Variants in AGPAT4 observed in about 807,000 individuals in gnomAD.
The protein encoded by AGPAT4 is 1-acyl-sn-glycerol-3-phosphate acyltransferase delta.
Under a neutral mutation model 48.0 loss-of-function variants are expected in AGPAT4, and 15 were observed. The ratio of observed to expected loss-of-function variants is 0.31; its 90% confidence interval spans 0.21 to 0.48. AGPAT4 has a LOEUF of 0.48. Among genes scored for constraint, AGPAT4 ranks in the 20% least tolerant of loss-of-function variants. The probability of loss-of-function intolerance (pLI) is 0.99; values close to 1 mark genes in which losing one functional copy is unlikely to be tolerated. For synonymous variants in AGPAT4, 178 were observed against 198.7 expected, an observed-to-expected ratio of 0.90 and a Z score of 0.88; for missense variants, 314 against 482.5, an observed-to-expected ratio of 0.65 and a Z score of 3.27.
chr6:161,153,553 G>A, intron 4 of AGPAT4, 54 bp from the exon 5 acceptor site: 1 of 1,594,224 alleles, frequency 6.3e-7, no homozygotes, highest in South Asian at 1.1e-5. Flanking sequence ...ACACAGCCCT[G>A]GGGTCATGCA....
chr6:161,237,383 T>C lies in AGPAT4; in HGVS notation c.-89-5081A>G, dbSNP rs10455878. On this transcript the variant is annotated intron_variant, in intron 1 of 8. Transcript: ENST00000320285. ...ATTTGAGAAAGTAGGTAACCATCAT[T>C]AACATTAGCAAGGTTTCTTACTGAA... Among the ~76,000 whole-genome samples, 786 of 152,334 alleles carry C rather than the reference T, an allele frequency of 5.2e-3. 4 individuals carry two copies. Among genetic ancestry groups the C allele is most frequent in the Non-Finnish European group, 9.1e-3 (621 of 68,038 alleles).
intron 2 of AGPAT4, among the ~76,000 whole-genome samples, chr6:161,187,798 C>A (rs1292823045): frequency 6.6e-6 from 1 of 152,186 alleles, no homozygotes; most frequent in Non-Finnish European, 1.5e-5. Context: ...CCCAACTCAG[C>A]CTCCCAAAGT....
rs565768118 is a variant in AGPAT4 at position 161,243,278 on chromosome 6, G to A, written c.-89-10976C>T. ...CTTGGGGTTACCAAAGTAGGGAAAT[G>A]GCCCAAGACCCGGCCCTGGGCCGGC... On this transcript the variant is annotated intron_variant, in intron 1 of 8. Transcript: ENST00000320285. The surrounding 1 kb of genome is among the most constrained non-coding windows in gnomAD (Gnocchi z 4.8). 7.1e-4 allele frequency among the ~76,000 whole-genome samples: 108 copies of A among 152,198 alleles called. 2 individuals carry two copies. Among genetic ancestry groups the A allele is most frequent in the Non-Finnish European group, 7.1e-4 (48 of 68,000 alleles).
chr6:161,131,087 C>T lies in AGPAT4; in HGVS notation c.*5453G>A. The T allele has an allele frequency of 3.4e-6, 1 of 294,698 alleles. No homozygotes were observed. Among genetic ancestry groups the T allele is most frequent in the South Asian group, 3.1e-5 (1 of 32,468 alleles). The allele number at this position is 294,698 out of a possible 1,614,324, so 18.3% of individuals were successfully genotyped here. ...CACCTCCCTTAAAATTCAGCAGAAC[C>T]AGAGGTGCCAGAAATGTCAAAAAAT... is the stretch of plus-strand genomic sequence containing the variant. On this transcript the variant is annotated 3_prime_UTR_variant, in exon 9 of 9. Coordinates refer to ENST00000320285, the MANE Select transcript of AGPAT4 (RefSeq NM_020133.3).
chr6:161,189,495 C>T lies in AGPAT4; in HGVS notation c.179-23078G>A, dbSNP rs1427560611. ...AGTGAGGCTCGTCACATGCGGAATT[C>T]ACTTACTTACAACCTTAGTTGCCCG... is the stretch of plus-strand genomic sequence containing the variant. On this transcript the variant is annotated intron_variant, in intron 2 of 8. Transcript: ENST00000320285. The surrounding 1 kb of genome is among the most constrained non-coding windows in gnomAD (Gnocchi z 5.3). Among the ~76,000 whole-genome samples, 1 of 152,200 alleles carries T rather than the reference C, an allele frequency of 6.6e-6. No individual in the cohort carries two copies. The highest frequency in any genetic ancestry group is 1.5e-5 in the Non-Finnish European group (1 of 68,034).
In AGPAT4 at chr6:161,169,250, C is replaced by A. The variant is rs1055126116; in HGVS notation, c.179-2833G>T. On this transcript the variant is annotated intron_variant, in intron 2 of 8. Transcript: ENST00000320285. This position sits in a 1 kb window ranked among gnomAD's most constrained non-coding sequence, Gnocchi z 5.0. ...TTTTAAATAGACACACACCAACATC[C>A]AATTTGCATCTGAAAAAAAAATCAC... Among the ~76,000 whole-genome samples the A allele has an allele frequency of 1.4e-4, 22 of 151,876 alleles. No individual in the cohort carries two copies. Among genetic ancestry groups the A allele is most frequent in the African/African-American group, 5.3e-4 (22 of 41,224 alleles).
rs1473378711 is a variant in AGPAT4, at chr6:161,227,000, T to C, written c.178+5036A>G. ...TTTGTTTTACAGTTTGAAAATACAATGTGCAAAAAGTACTTTATGCATAAG... is the reference window on the plus strand; with the variant it reads ...TTTGTTTTACAGTTTGAAAATACAACGTGCAAAAAGTACTTTATGCATAAG... On this transcript the variant is annotated intron_variant, in intron 2 of 8. Transcript: ENST00000320285. The surrounding 1 kb of genome is among the most constrained non-coding windows in gnomAD (Gnocchi z 6.3). 6.6e-6 allele frequency among the ~76,000 whole-genome samples: 1 copy of C among 152,180 alleles called. No homozygotes were observed. The highest frequency in any genetic ancestry group is 2.4e-5 in the African/African-American group (1 of 41,444).
chr6:161,266,073 G>A lies in AGPAT4; in HGVS notation c.-90+7865C>T, dbSNP rs1431242940. 6.6e-6 allele frequency among the ~76,000 whole-genome samples: 1 copy of A among 152,158 alleles called. No homozygotes were observed. The highest frequency in any genetic ancestry group is 6.5e-5 in the Admixed American group (1 of 15,286). On this transcript the variant is annotated intron_variant, in intron 1 of 8. Transcript: ENST00000320285. This position sits in a 1 kb window ranked among gnomAD's most constrained non-coding sequence, Gnocchi z 6.2. The stretch of plus-strand genomic sequence containing the variant: ...CTCAAGCAGTGGTTCTCAGCTGTGG[G>A]CAAGTTTGTCCCTCTAGGGGATTTT...
chr6:161,181,801 G>A (rs2068377901), intron 2 of AGPAT4, among the ~76,000 whole-genome samples: 1 of 152,058 alleles, frequency 6.6e-6, no homozygotes, highest in South Asian at 2.1e-4. Context: ...AGAAGCCGAG[G>A]GTCCAAGAAG....
chr6:161,130,822 A>G lies in AGPAT4; in HGVS notation c.*5718T>C, dbSNP rs1190228319. 1 of 518,724 alleles carries G rather than the reference A, an allele frequency of 1.9e-6. No homozygotes were observed. Among genetic ancestry groups the G allele is most frequent in the Non-Finnish European group, 3.9e-6 (1 of 259,650 alleles). The allele number at this position is 518,724 out of a possible 1,614,324, so 32.1% of individuals were successfully genotyped here. A position where few individuals can be genotyped will look rare whatever the true frequency, so the allele number is the denominator to read the frequency against. On this transcript the variant is annotated 3_prime_UTR_variant, in exon 9 of 9. Transcript: ENST00000320285. ...CAGCGTTGTGACTTAGACACTTTAC[A>G]AGTCTGAGCCATCCCGTACTAGTTC...
chr6:161,205,510 A>G (rs1781356256), intron 2 of AGPAT4, among the ~76,000 whole-genome samples: 1 of 152,226 alleles, frequency 6.6e-6, no homozygotes. Context: ...AGGCACATTT[A>G]CAGCACATCT....
In AGPAT4 at chr6:161,176,003, A is replaced by T. The variant is rs1780417635; in HGVS notation, c.179-9586T>A. ...TTGATTGCACTGTGGTCTGAGAGACAGTTTGTTATAACTTCTGTTCTTTTA... is the reference window on the plus strand; with the variant it reads ...TTGATTGCACTGTGGTCTGAGAGACTGTTTGTTATAACTTCTGTTCTTTTA... On this transcript the variant is annotated intron_variant, in intron 2 of 8. Coordinates refer to ENST00000320285, the MANE Select transcript of AGPAT4 (RefSeq NM_020133.3). Among the ~76,000 whole-genome samples the T allele has an allele frequency of 1.3e-5, 2 of 152,198 alleles. 1 individual carries two copies. Among genetic ancestry groups the T allele is most frequent in the South Asian group, 4.1e-4 (2 of 4,834 alleles).
intron 1 of AGPAT4, among the ~76,000 whole-genome samples, chr6:161,252,248 C>G (rs1490477184): frequency 6.6e-6 from 1 of 152,136 alleles, no homozygotes; most frequent in Non-Finnish European, 1.5e-5. Context: ...GGAGAGTCCT[C>G]TCTCCAACCC....
At chr6:161,186,874 T>C (rs905455505) in intron 2 of AGPAT4, among the ~76,000 whole-genome samples, 1 of 152,164 alleles carries the variant, frequency 6.6e-6, no homozygotes, top group Admixed American at 6.5e-5. Flanking sequence ...CTAAAGGATG[T>C]CCAGCCTTTT....
At chr6:161,193,241 C>G (rs71565796) in intron 2 of AGPAT4, among the ~76,000 whole-genome samples, 27,239 of 152,162 alleles carry the variant, frequency 0.18, 4,367 homozygotes, top group African/African-American at 0.44. Context: ...ATGTGTCTTC[C>G]AGTTCACTAA....
Position 161,249,422 on chromosome 6 carries a change from A to T in AGPAT4, c.-89-17120T>A, listed in dbSNP as rs1249847078. On this transcript the variant is annotated intron_variant, in intron 1 of 8. Coordinates refer to ENST00000320285, the MANE Select transcript of AGPAT4 (RefSeq NM_020133.3). This position sits in a 1 kb window ranked among gnomAD's most constrained non-coding sequence, Gnocchi z 6.2. ...TATATTTGCAAACTATGCATCTGAC[A>T]AAGGCCTAAAATCCAGCATCCATAA... Among the ~76,000 whole-genome samples the T allele has an allele frequency of 6.6e-6, 1 of 152,230 alleles. No individual in the cohort carries two copies. Among genetic ancestry groups the T allele is most frequent in the Non-Finnish European group, 1.5e-5 (1 of 68,042 alleles).
At position 161,219,693 on chromosome 6, in the gene AGPAT4, C is replaced by T. The variant is rs534476913; in HGVS notation, c.178+12343G>A. Among the ~76,000 whole-genome samples, 1 of 152,290 alleles carries T rather than the reference C, an allele frequency of 6.6e-6. No individual in the cohort carries two copies. Among genetic ancestry groups the T allele is most frequent in the African/African-American group, 2.4e-5 (1 of 41,562 alleles). ...CATCCATTCATACAATTCAGTATCACATGTGTATTCCTAAACTTGCTGATT... is the reference window on the plus strand; with the variant it reads ...CATCCATTCATACAATTCAGTATCATATGTGTATTCCTAAACTTGCTGATT... On this transcript the variant is annotated intron_variant, in intron 2 of 8. Coordinates refer to ENST00000320285, the MANE Select transcript of AGPAT4 (RefSeq NM_020133.3). The surrounding 1 kb of genome is among the most constrained non-coding windows in gnomAD (Gnocchi z 4.9).
intron 1 of AGPAT4, among the ~76,000 whole-genome samples, chr6:161,241,217 C>G (rs373929511): frequency 6.9e-6 from 1 of 144,822 alleles, no homozygotes; most frequent in Admixed American, 7.1e-5. Flanking sequence ...GACCCAAGAT[C>G]GCGCCATTGC....
In AGPAT4 at chr6:161,245,063, C is replaced by T. The variant is rs747361017; in HGVS notation, c.-89-12761G>A. On this transcript the variant is annotated intron_variant, in intron 1 of 8. Transcript: ENST00000320285. The surrounding 1 kb of genome is among the most constrained non-coding windows in gnomAD (Gnocchi z 5.2). ...TAGCAAGCCGTGCACCAACTGGCAA[C>T]TTATTTTGCAGTGGCCTATGCCAAC... Among the ~76,000 whole-genome samples the T allele has an allele frequency of 6.6e-6, 1 of 152,252 alleles. No homozygotes were observed. The highest frequency in any genetic ancestry group is 1.5e-5 in the Non-Finnish European group (1 of 68,038).
Sources: allele counts gnomAD v4.1 joint callset (sites outside exome capture counted in the v4.1 genomes callset), GRCh38; gene constraint gnomAD v4.1.1; non-coding constraint Gnocchi (gnomAD v3.1); transcripts MANE v1.5; gene names NCBI Gene and HGNC (gene_info 2026-07-23, HGNC 2026-07-21).